PRDM6: variants seen among roughly 807,000 people sequenced by gnomAD.
PRDM6 encodes the protein putative histone-lysine N-methyltransferase PRDM6.
Under a neutral mutation model 60.8 loss-of-function variants are expected in PRDM6, and 25 were observed. That is an observed-to-expected ratio of 0.41 (90% CI 0.30 to 0.57). The LOEUF is 0.57. PRDM6 is among the 20% of genes least tolerant of loss of function. The pLI is 0.27. For synonymous variants in PRDM6, 407 were observed against 357.4 expected, an observed-to-expected ratio of 1.14 and a Z score of -1.57; for missense variants, 839 against 821.3, an observed-to-expected ratio of 1.02 and a Z score of -0.26.
intron 3 of PRDM6, among the ~76,000 whole-genome samples, chr5:123,132,423 T>A (rs192731843): frequency 1.3e-5 from 2 of 152,300 alleles, no homozygotes; most frequent in East Asian, 3.9e-4. Flanking sequence ...TGTGTGTGTT[T>A]CCTCTTTCTA....
chr5:123,163,441 C>T (rs1315137032), intron 5 of PRDM6, among the ~76,000 whole-genome samples: 2 of 152,168 alleles, frequency 1.3e-5, no homozygotes, highest in Non-Finnish European at 2.9e-5. Context: ...GCAGGGCGGC[C>T]GTGGGTACAC....
chr5:123,127,645 G>A (rs1462360379), intron 3 of PRDM6, among the ~76,000 whole-genome samples: 1 of 152,106 alleles, frequency 6.6e-6, no homozygotes, highest in Non-Finnish European at 1.5e-5. Flanking sequence ...CGAAAACAGT[G>A]CTTTTAGAGA....
intron 2 of PRDM6, among the ~76,000 whole-genome samples, chr5:123,094,126 A>C (rs189228732): frequency 3.8e-4 from 58 of 152,058 alleles, no homozygotes; most frequent in Admixed American, 2.6e-3. Flanking sequence ...GGCTGGGGAG[A>C]GAAAAGGGAG....
At chr5:123,093,987 C>T (rs908786602) in intron 2 of PRDM6, among the ~76,000 whole-genome samples, 1 of 151,844 alleles carries the variant, frequency 6.6e-6, no homozygotes, top group African/African-American at 2.4e-5. Context: ...TCTGTCCCCT[C>T]CCGATTTACT....
chr5:123,171,661 A>G (rs571470326), intron 6 of PRDM6, among the ~76,000 whole-genome samples: 6 of 152,350 alleles, frequency 3.9e-5, no homozygotes, highest in African/African-American at 9.6e-5. Flanking sequence ...CACTTATTCA[A>G]TAAACTAATA....
chr5:123,178,373 A>G (rs1425171124), intron 6 of PRDM6, among the ~76,000 whole-genome samples: 1 of 152,236 alleles, frequency 6.6e-6, no homozygotes, highest in Non-Finnish European at 1.5e-5. Context: ...ATAATCTTCA[A>G]TAACAGTTTA....
chr5:123,091,248 G>T (rs967673757), intron 2 of PRDM6, among the ~76,000 whole-genome samples: 30 of 150,726 alleles, frequency 2.0e-4, no homozygotes, highest in African/African-American at 7.3e-4. Flanking sequence ...AGAAGGAAAA[G>T]AAAAAAAAAT....
At chr5:123,161,410 G>T (rs1765627458) in intron 5 of PRDM6, among the ~76,000 whole-genome samples, 1 of 152,170 alleles carries the variant, frequency 6.6e-6, no homozygotes, top group Non-Finnish European at 1.5e-5. Context: ...TGGTCAGATG[G>T]TGATAAGTGT....
chr5:123,136,723 T>C (rs1049773347), intron 3 of PRDM6, among the ~76,000 whole-genome samples: 6 of 152,192 alleles, frequency 3.9e-5, no homozygotes, highest in Non-Finnish European at 8.8e-5. Context: ...TGTGCTGAAT[T>C]TAGGCAAAAG....
chr5:123,180,417 T>C (rs907697600), intron 7 of PRDM6, 94 bp downstream of exon 7: 39 of 1,279,892 alleles, frequency 3.0e-5, no homozygotes, highest in Admixed American at 1.5e-4. Flanking sequence ...CTTAGCCAGC[T>C]GGCACAGGCT....
At position 123,191,909 on chromosome 5, in the gene PRDM6, C is replaced by T. The variant is rs1040434711; in HGVS notation, c.*4708C>T. 4 of 152,164 alleles carry T rather than the reference C, an allele frequency of 2.6e-5. No individual in the cohort carries two copies. Among genetic ancestry groups the T allele is most frequent in the Non-Finnish European group, 5.9e-5 (4 of 68,026 alleles). 9.4% of individuals were successfully genotyped at this position (152,164 alleles called of 1,614,324 possible). On this transcript the variant is annotated 3_prime_UTR_variant, in exon 8 of 8. Transcript: ENST00000407847. ...TGCCACAGATGTTTAACCTGTAGTC[C>T]ATGGCTGTGTTTGACATTTAAAATA...
intron 3 of PRDM6, among the ~76,000 whole-genome samples, chr5:123,111,382 G>A (rs1306608354): frequency 6.6e-6 from 1 of 152,172 alleles, no homozygotes; most frequent in Admixed American, 6.5e-5. Context: ...AATGTCCCAG[G>A]CAGTCCTGAA....
At chr5:123,155,284 T>TA (rs1295064054) in intron 3 of PRDM6, among the ~76,000 whole-genome samples, 1 of 140,332 alleles carries the variant, frequency 7.1e-6, no homozygotes, top group African/African-American at 2.6e-5. Flanking sequence ...TTTTTTTTTT[T>TA]AATGACTCCT....
At chr5:123,101,406 CA>C (rs1303703886) in intron 3 of PRDM6, among the ~76,000 whole-genome samples, 1 of 152,106 alleles carries the variant, frequency 6.6e-6, no homozygotes, top group Non-Finnish European at 1.5e-5. Context: ...TGCCCCGGCT[CA>C]AAGCATCTGG....
intron 3 of PRDM6, among the ~76,000 whole-genome samples, chr5:123,102,625 TA>T (rs1379352724): frequency 2.0e-5 from 3 of 152,224 alleles, no homozygotes; most frequent in Non-Finnish European, 4.4e-5. Flanking sequence ...CAAAATGTAT[TA>T]AAAAAATTAA....
At chr5:123,116,112 A>G (rs537372321) in intron 3 of PRDM6, among the ~76,000 whole-genome samples, 29 of 152,166 alleles carry the variant, frequency 1.9e-4, no homozygotes, top group Admixed American at 3.9e-4. Context: ...TGTGAGTGAG[A>G]TAGGGAAGCT....
At chr5:123,167,062 T>G (rs923498420) in intron 5 of PRDM6, among the ~76,000 whole-genome samples, 6 of 152,240 alleles carry the variant, frequency 3.9e-5, no homozygotes, top group African/African-American at 1.4e-4. Flanking sequence ...ATACCTTTAA[T>G]GGACATAGTC....
At chr5:123,114,678 C>A (rs999976293) in intron 3 of PRDM6, among the ~76,000 whole-genome samples, 6 of 152,200 alleles carry the variant, frequency 3.9e-5, no homozygotes, top group African/African-American at 9.6e-5. Flanking sequence ...CAGTTGAGGA[C>A]AGACACCTGA....
intron 3 of PRDM6, among the ~76,000 whole-genome samples, chr5:123,154,883 G>A (rs777531052): frequency 2.6e-5 from 4 of 152,134 alleles, no homozygotes; most frequent in South Asian, 2.1e-4. Flanking sequence ...TTCTTTAACT[G>A]TCCCTGCTTC....
Sources: gnomAD v4.1 joint callset for allele counts (sites outside exome capture counted in the v4.1 genomes callset) on GRCh38, gnomAD v4.1.1 for gene constraint, MANE v1.5 for transcripts, NCBI Gene and HGNC (gene_info 2026-07-23, HGNC 2026-07-21) for gene names.